RBFOX1: variants seen among roughly 807,000 people sequenced by gnomAD.
RBFOX1 encodes the protein RNA binding fox-1 homolog 1.
A neutral mutation model predicts 57.7 loss-of-function variants in RBFOX1; 8 were observed. The observed-to-expected ratio is 0.14, with a 90% CI of 0.08 to 0.25. The LOEUF (loss-of-function observed/expected upper bound fraction) is 0.25, where lower values mean the gene tolerates loss of function less well. RBFOX1 is among the 10% of genes least tolerant of loss of function. The pLI is 1.00. For missense variants in RBFOX1, 611 were observed against 548.5 expected (o/e 1.11, Z -1.14); for synonymous variants, 326 against 222.4 (o/e 1.47, Z -4.15).
chr16:7,245,713 A>G (rs999048635), intron 4 of RBFOX1, among the ~76,000 whole-genome samples: 1 of 152,210 alleles, frequency 6.6e-6, no homozygotes, highest in Non-Finnish European at 1.5e-5. Flanking sequence ...TCACTTAAGG[A>G]TACTTAGCAT....
At chr16:5,936,203 A>G (rs1359433140) in intron 4 of RBFOX1, among the ~76,000 whole-genome samples, 2 of 152,124 alleles carry the variant, frequency 1.3e-5, no homozygotes, top group South Asian at 2.1e-4. Context: ...GGCTCACTGC[A>G]ACTTCTGTCT....
At chr16:6,575,685 C>T (rs888445397) in intron 2 of RBFOX1, among the ~76,000 whole-genome samples, 2 of 151,958 alleles carry the variant, frequency 1.3e-5, no homozygotes, top group South Asian at 2.1e-4. Flanking sequence ...TGGTGAAACA[C>T]TGTCTGTACT....
intron 3 of RBFOX1, among the ~76,000 whole-genome samples, chr16:5,651,508 C>G (rs2049240226): frequency 6.6e-6 from 1 of 152,120 alleles, no homozygotes; most frequent in Non-Finnish European, 1.5e-5. Flanking sequence ...CACAGGTTGC[C>G]TTTGGGACCT....
chr16:6,856,249 A>T (rs1385591623), intron 3 of RBFOX1, among the ~76,000 whole-genome samples: 1 of 152,118 alleles, frequency 6.6e-6, no homozygotes, highest in African/African-American at 2.4e-5. Context: ...GGCAGCCTCC[A>T]TCTGCTCAGA....
intron 13 of RBFOX1, among the ~76,000 whole-genome samples, chr16:7,667,705 C>G (rs2069849727): frequency 6.6e-6 from 1 of 152,068 alleles, no homozygotes; most frequent in African/African-American, 2.4e-5. Flanking sequence ...TTTTTTGAGA[C>G]AGACTCACTG....
At chr16:5,891,170 C>G (rs1266911076) in intron 4 of RBFOX1, among the ~76,000 whole-genome samples, 2 of 151,530 alleles carry the variant, frequency 1.3e-5, no homozygotes, top group Non-Finnish European at 2.9e-5. Flanking sequence ...TTTCTTTGCA[C>G]AAAGGGCTTC....
chr16:7,557,621 AAAAAAAAAAAAAAAAAAAAAAGAAAAAG>A (rs1415987522), intron 5 of RBFOX1, among the ~76,000 whole-genome samples: 13 of 117,212 alleles, frequency 1.1e-4, no homozygotes, highest in Admixed American at 1.7e-4. Context: ...CTCTGTCTCA[AAAAAAAAAAAAAAAAAAAAAAGAAAAAG>A]AAAAAAAAAA....
At chr16:6,178,912 A>C (rs2097038019) in intron 1 of RBFOX1, among the ~76,000 whole-genome samples, 1 of 152,196 alleles carries the variant, frequency 6.6e-6, no homozygotes, top group South Asian at 2.1e-4. Flanking sequence ...ACTCTCATAT[A>C]AGGAAGACAA....
At chr16:7,265,999 G>T (rs1303035092) in intron 4 of RBFOX1, among the ~76,000 whole-genome samples, 4 of 131,602 alleles carry the variant, frequency 3.0e-5, no homozygotes, top group Non-Finnish European at 6.3e-5. Flanking sequence ...TTCTGAGAGG[G>T]AGTCTTGCTG....
rs375008143 is a variant in RBFOX1, at chr16:6,903,472, G to C, written c.-15-148585G>C. ...TGCTTATCTGTCTTTGAATTCTCTA[G>C]TGTCTAGTGTTCAGCAAGTGCTGGT... On this transcript the variant is annotated intron_variant, in intron 3 of 15. Transcript: ENST00000550418. Among the ~76,000 whole-genome samples, 9 of 152,304 alleles carry C rather than the reference G, an allele frequency of 5.9e-5. No homozygotes were observed. The East Asian group carries it at 9.7e-4, about 16-fold the overall frequency.
intron 2 of RBFOX1, among the ~76,000 whole-genome samples, chr16:6,582,963 A>G (rs9888750): frequency 0.1 from 15,554 of 150,694 alleles, 1,150 homozygotes; most frequent in East Asian, 0.38. Flanking sequence ...CTTTCCTTGA[A>G]TCTATTAATT....
intron 14 of RBFOX1, among the ~76,000 whole-genome samples, chr16:7,686,758 G>A (rs778728042): frequency 2.0e-5 from 3 of 152,056 alleles, no homozygotes; most frequent in Non-Finnish European, 2.9e-5. Context: ...ATGCAACAAA[G>A]CATGGTTTTC....
intron 3 of RBFOX1, among the ~76,000 whole-genome samples, chr16:6,959,405 A>G (rs2082491564): frequency 6.6e-6 from 1 of 152,182 alleles, no homozygotes. Context: ...GGTTTCTAAG[A>G]GTTGTACTTC....
At chr16:5,267,762 C>G (rs762875843) in intron 1 of RBFOX1, among the ~76,000 whole-genome samples, 1 of 152,134 alleles carries the variant, frequency 6.6e-6, no homozygotes, top group African/African-American at 2.4e-5. Context: ...CACAGTGTGT[C>G]AGAACTTGCC....
chr16:6,248,431 T>A (rs976379261), intron 1 of RBFOX1, among the ~76,000 whole-genome samples: 1 of 152,154 alleles, frequency 6.6e-6, no homozygotes, highest in Non-Finnish European at 1.5e-5. Context: ...CTTTTAGCCA[T>A]GGGACATGGG....
At chr16:5,943,745 G>T (rs1190518824) in intron 4 of RBFOX1, among the ~76,000 whole-genome samples, 1 of 152,168 alleles carries the variant, frequency 6.6e-6, no homozygotes, top group Non-Finnish European at 1.5e-5. Flanking sequence ...ACTACAAGTA[G>T]TGCCTGAACA....
In RBFOX1 at chr16:7,378,233, C is replaced by G. The variant is rs116401249; in HGVS notation, c.28-139914C>G. On this transcript the variant is annotated intron_variant, in intron 4 of 15. Coordinates refer to ENST00000550418, the MANE Select transcript of RBFOX1 (RefSeq NM_018723.4). ...AAGCTGCGATGAGTGTGTACACAAA[C>G]CATCTCCTGATCTCGAGCCTTTTCC... Among the ~76,000 whole-genome samples the G allele has an allele frequency of 1.1e-3, 170 of 152,256 alleles. 1 individual carries two copies. The highest frequency in any genetic ancestry group is 3.8e-3 in the African/African-American group (156 of 41,552).
chr16:5,525,728 C>A (rs1213850556), intron 2 of RBFOX1, among the ~76,000 whole-genome samples: 1 of 152,022 alleles, frequency 6.6e-6, no homozygotes, highest in Admixed American at 6.6e-5. Flanking sequence ...GAACTCCTGA[C>A]CTCAGGTGAT....
At chr16:6,216,605 A>T (rs1309618502) in intron 1 of RBFOX1, among the ~76,000 whole-genome samples, 3 of 152,164 alleles carry the variant, frequency 2.0e-5, no homozygotes, top group Admixed American at 6.5e-5. Context: ...AACAAACTCA[A>T]ATGGTAACTC....
Sources: allele counts gnomAD v4.1 joint callset (sites outside exome capture counted in the v4.1 genomes callset), GRCh38; gene constraint gnomAD v4.1.1; transcripts MANE v1.5; gene names NCBI Gene and HGNC (gene_info 2026-07-23, HGNC 2026-07-21).